Variants in RASSF9 observed in about 807,000 individuals in gnomAD.
The protein encoded by RASSF9 is Ras association domain family member 9.
RASSF9 carries 18 observed loss-of-function variants against 21.4 expected under a neutral mutation model. The observed-to-expected ratio is 0.84, with a 90% CI of 0.58 to 1.25. The LOEUF is 1.25. Among genes scored for constraint, RASSF9 ranks in the 50% most tolerant of loss-of-function variants. The pLI, the probability that RASSF9 is intolerant of heterozygous loss-of-function variation, is 0.00. For synonymous variants in RASSF9, 183 were observed against 179.1 expected, an observed-to-expected ratio of 1.02 and a Z score of -0.18; for missense variants, 480 against 503.2, an observed-to-expected ratio of 0.95 and a Z score of 0.44.
intron 1 of RASSF9, among the ~76,000 whole-genome samples, chr12:85,832,558 A>G (rs1880474396): frequency 6.6e-6 from 1 of 151,954 alleles, no homozygotes; most frequent in Non-Finnish European, 1.5e-5. Flanking sequence ...AAATAGGTTC[A>G]TAATCTAAAT....
chr12:85,820,397 T>C (rs996942945), intron 1 of RASSF9, among the ~76,000 whole-genome samples: 2 of 152,190 alleles, frequency 1.3e-5, no homozygotes, highest in African/African-American at 4.8e-5. Flanking sequence ...TTCTTCACTT[T>C]AGGAATTCTG....
rs199549959 is a variant in RASSF9 at position 85,803,034 on chromosome 12, C to T, written c.*1668G>A. The T allele has an allele frequency of 6.6e-6, 1 of 151,904 alleles. No homozygotes were observed. The highest frequency in any genetic ancestry group is 1.5e-5 in the Non-Finnish European group (1 of 67,980). The allele number at this position is 151,904 out of a possible 1,614,324, so 9.4% of individuals were successfully genotyped here. On this transcript the variant is annotated 3_prime_UTR_variant, in exon 2 of 2. Transcript: ENST00000361228. Reference sequence around the variant, plus strand: ...CAAGAAATGATAGTATAAATGCTCACGAAACTGAAACAATCAGAAAATTCT... The same window carrying T: ...CAAGAAATGATAGTATAAATGCTCATGAAACTGAAACAATCAGAAAATTCT...
intron 1 of RASSF9, among the ~76,000 whole-genome samples, chr12:85,808,198 C>A (rs896145059): frequency 2.0e-5 from 3 of 151,984 alleles, no homozygotes; most frequent in African/African-American, 7.2e-5. Flanking sequence ...TATTGACTCA[C>A]ATGAAGTAAA....
At chr12:85,818,945 C>G (rs1248765862) in intron 1 of RASSF9, among the ~76,000 whole-genome samples, 23 of 116,104 alleles carry the variant, frequency 2.0e-4, no homozygotes, top group African/African-American at 7.0e-4. Context: ...GGCGAGAGAG[C>G]GAGACTCCGT....
intron 1 of RASSF9, among the ~76,000 whole-genome samples, chr12:85,832,824 A>C (rs1180456880): frequency 6.6e-6 from 1 of 151,924 alleles, no homozygotes; most frequent in Non-Finnish European, 1.5e-5. Context: ...TGGAATCAAA[A>C]TAAATAATTC....
intron 1 of RASSF9, among the ~76,000 whole-genome samples, chr12:85,820,703 T>C (rs1331276539): frequency 6.6e-6 from 1 of 152,192 alleles, no homozygotes; most frequent in Non-Finnish European, 1.5e-5. Flanking sequence ...ATCTCTTACA[T>C]AAAACATTAA....
At chr12:85,830,073 G>T (rs1168282964) in intron 1 of RASSF9, among the ~76,000 whole-genome samples, 1 of 152,056 alleles carries the variant, frequency 6.6e-6, no homozygotes, top group East Asian at 1.9e-4. Context: ...CTATAACTGT[G>T]TTGCTAAACT....
chr12:85,804,328 T>G lies in RASSF9; in HGVS notation c.*374A>C, dbSNP rs1879765405. The G allele has an allele frequency of 5.9e-6, 1 of 170,482 alleles. No homozygotes were observed. 10.6% of individuals were successfully genotyped at this position (170,482 alleles called of 1,614,324 possible). A position where few individuals can be genotyped will look rare whatever the true frequency, so the allele number is the denominator to read the frequency against. On this transcript the variant is annotated 3_prime_UTR_variant, in exon 2 of 2. Coordinates refer to ENST00000361228, the MANE Select transcript of RASSF9 (RefSeq NM_005447.4). ...TTGGAAAAATATATATTACAGCACA[T>G]TTTAATTCTACTTCTTCATGTTTGA...
Position 85,836,385 on chromosome 12 carries a change from T to G in RASSF9, c.-184A>C. ...TGCTGGAAGTTGTGCAACTGCTGCT[T>G]AACTTTGAACTGCGGGATTGTTGTG... On this transcript the variant is annotated 5_prime_UTR_variant, in exon 1 of 2. Coordinates refer to ENST00000361228, the MANE Select transcript of RASSF9 (RefSeq NM_005447.4). 7.5e-7 allele frequency: 1 copy of G among 1,326,552 alleles called. No homozygotes were observed. The highest frequency in any genetic ancestry group is 1.0e-6 in the Non-Finnish European group (1 of 987,914). 82.2% of individuals were successfully genotyped at this position (1,326,552 alleles called of 1,614,324 possible).
intron 1 of RASSF9, among the ~76,000 whole-genome samples, chr12:85,806,205 C>A (rs1020740472): frequency 6.8e-6 from 1 of 146,650 alleles, no homozygotes; most frequent in Non-Finnish European, 1.5e-5. Context: ...TGCCACCAGG[C>A]CCGGCTAATT....
chr12:85,818,504 C>T lies in RASSF9; in HGVS notation c.48-12542G>A, dbSNP rs535365476. ...GATTTGAACCTATTGAGAAAATTTGCTTTTTTGGCATAAAAACATAAGACA... is the reference window on the plus strand; with the variant it reads ...GATTTGAACCTATTGAGAAAATTTGTTTTTTTGGCATAAAAACATAAGACA... On this transcript the variant is annotated intron_variant, in intron 1 of 1. Coordinates refer to ENST00000361228, the MANE Select transcript of RASSF9 (RefSeq NM_005447.4). 1.5e-4 allele frequency among the ~76,000 whole-genome samples: 23 copies of T among 152,140 alleles called. No homozygotes were observed. The East Asian group carries it at 4.4e-3, about 29-fold the overall frequency.
rs559504721 is a variant in RASSF9, at chr12:85,803,227, A to G, written c.*1475T>C. 6.6e-6 allele frequency: 1 copy of G among 152,266 alleles called. No homozygotes were observed. The highest frequency in any genetic ancestry group is 6.5e-5 in the Admixed American group (1 of 15,300). 9.4% of individuals were successfully genotyped at this position (152,266 alleles called of 1,614,324 possible). A position where few individuals can be genotyped will look rare whatever the true frequency, so the allele number is the denominator to read the frequency against. ...TAAAACAATAAGAAAACTGAGTTAA[A>G]ACCTGCACTAAAAGTATGCAAAAGA... On this transcript the variant is annotated 3_prime_UTR_variant, in exon 2 of 2. Transcript: ENST00000361228.
At chr12:85,823,965 C>T (rs993650411) in intron 1 of RASSF9, among the ~76,000 whole-genome samples, 3 of 152,144 alleles carry the variant, frequency 2.0e-5, no homozygotes, top group African/African-American at 7.2e-5. Flanking sequence ...CCTAGGTTTT[C>T]GACTGTGACT....
At chr12:85,826,496 A>G (rs7298536) in intron 1 of RASSF9, among the ~76,000 whole-genome samples, 40,416 of 146,224 alleles carry the variant, frequency 0.28, 5,920 homozygotes, top group African/African-American at 0.37. Context: ...CGCCCAGGCT[A>G]GAGTGCAGTG....
intron 1 of RASSF9, among the ~76,000 whole-genome samples, chr12:85,815,996 A>G (rs1237912640): frequency 6.6e-6 from 1 of 152,146 alleles, no homozygotes; most frequent in Non-Finnish European, 1.5e-5. Context: ...GAATGAGATC[A>G]TGTCCTTACA....
intron 1 of RASSF9, among the ~76,000 whole-genome samples, chr12:85,829,034 T>C (rs1258389243): frequency 1.3e-5 from 2 of 152,172 alleles, no homozygotes; most frequent in Non-Finnish European, 2.9e-5. Context: ...ACAAACGCTC[T>C]TCTACTGAAT....
chr12:85,824,823 G>A (rs935051295), intron 1 of RASSF9, among the ~76,000 whole-genome samples: 4 of 152,112 alleles, frequency 2.6e-5, no homozygotes, highest in Non-Finnish European at 4.4e-5. Context: ...CATCTGCCAC[G>A]CTTTTATTTT....
chr12:85,812,901 G>A (rs1302974113), intron 1 of RASSF9, among the ~76,000 whole-genome samples: 1 of 151,260 alleles, frequency 6.6e-6, no homozygotes, highest in African/African-American at 2.4e-5. Flanking sequence ...TTTTTTTATT[G>A]GCATGAACTC....
intron 1 of RASSF9, among the ~76,000 whole-genome samples, chr12:85,826,570 C>T (rs928570262): frequency 6.6e-6 from 1 of 151,754 alleles, no homozygotes; most frequent in Non-Finnish European, 1.5e-5. Flanking sequence ...GCCTTAGCCT[C>T]CCGAGTAGCT....
Sources: gnomAD v4.1 joint callset for allele counts (sites outside exome capture counted in the v4.1 genomes callset) on GRCh38, gnomAD v4.1.1 for gene constraint, MANE v1.5 for transcripts, NCBI Gene and HGNC (gene_info 2026-07-23, HGNC 2026-07-21) for gene names.